SCN8A: variants seen among roughly 807,000 people sequenced by gnomAD.
The protein encoded by SCN8A is sodium channel protein type 8 subunit alpha.
A neutral mutation model predicts 184.1 loss-of-function variants in SCN8A; 30 were observed. That is an observed-to-expected ratio of 0.16 (90% CI 0.12 to 0.22). The LOEUF (loss-of-function observed/expected upper bound fraction) is 0.22, where lower values mean the gene tolerates loss of function less well. Ranked by LOEUF, SCN8A falls within the 10% of genes least tolerant of loss-of-function variation. The probability of loss-of-function intolerance (pLI) is 1.00; values close to 1 mark genes in which losing one functional copy is unlikely to be tolerated. For missense variants in SCN8A, 1,057 were observed against 2,498.9 expected (o/e 0.42, Z 12.30); for synonymous variants, 852 against 907.0 (o/e 0.94, Z 1.09).
At chr12:51,687,249 C>A (rs758547567) in intron 5 of SCN8A, 30 bp downstream of exon 5, 1 of 1,611,524 alleles carries the variant, frequency 6.2e-7, no homozygotes, top group South Asian at 1.1e-5. Flanking sequence ...TATTGGTGTT[C>A]TGGGTGTGAT....
chr12:51,621,499 A>T (rs1939961675), intron 1 of SCN8A, among the ~76,000 whole-genome samples: 1 of 152,242 alleles, frequency 6.6e-6, no homozygotes, highest in Non-Finnish European at 1.5e-5. Flanking sequence ...TGGGTATCAG[A>T]TGTTACCCAT....
At chr12:51,722,248 T>A in intron 12 of SCN8A, 1 of 410,882 alleles carries the variant, frequency 2.4e-6, no homozygotes, top group Non-Finnish European at 4.4e-6. Context: ...TCTCTCCATC[T>A]TTATCTTTGC....
chr12:51,697,425 T>G (rs1400880971), intron 6 of SCN8A, among the ~76,000 whole-genome samples: 2 of 152,246 alleles, frequency 1.3e-5, no homozygotes, highest in Non-Finnish European at 2.9e-5. Flanking sequence ...CCAGGTCTTG[T>G]GCTAGGCAGA....
chr12:51,607,538 C>T (rs1939622276), intron 1 of SCN8A, among the ~76,000 whole-genome samples: 1 of 152,064 alleles, frequency 6.6e-6, no homozygotes, highest in Admixed American at 6.5e-5. Context: ...TCAACTTTTC[C>T]CCATTCAGTA....
At chr12:51,637,277 G>A (rs1412053843) in intron 1 of SCN8A, among the ~76,000 whole-genome samples, 6 of 152,126 alleles carry the variant, frequency 3.9e-5, no homozygotes, top group Non-Finnish European at 7.3e-5. Flanking sequence ...CCAACTAATA[G>A]CCTTACATGG....
At position 51,721,811 on chromosome 12, in the gene SCN8A, G is replaced by T. The variant is rs780504431; in HGVS notation, c.1901G>T (p.Arg634Leu). The T allele has an allele frequency of 5.6e-6, 9 of 1,607,932 alleles. No individual in the cohort carries two copies. The highest frequency in any genetic ancestry group is 7.6e-6 in the Non-Finnish European group (9 of 1,179,496). Reference sequence around the variant, plus strand: ...TCCTCGCGCATCTTCCCCAGCCTGCGGCGCAGCGTGAAGCGCAACAGCACG... The same window carrying T: ...TCCTCGCGCATCTTCCCCAGCCTGCTGCGCAGCGTGAAGCGCAACAGCACG... ...SRSSRIFPSLRRSVKRNSTVD... is the reference protein window; with the variant it reads ...SRSSRIFPSLLRSVKRNSTVD... The change falls in exon 12 of 27, where the codon CGG (arginine) becomes CTG (leucine). Residue 634 changes from arginine to leucine, a missense_variant. By Grantham distance (102) the Arg-to-Leu change is moderately radical. Transcript: ENST00000627620.
intron 1 of SCN8A, among the ~76,000 whole-genome samples, chr12:51,629,877 C>G (rs1429804544): frequency 2.0e-5 from 3 of 152,078 alleles, no homozygotes; most frequent in African/African-American, 7.2e-5. Flanking sequence ...GTTGTGGCAG[C>G]CAGATCAGGT....
chr12:51,672,527 C>G (rs1592369878), intron 2 of SCN8A, among the ~76,000 whole-genome samples: 1 of 152,050 alleles, frequency 6.6e-6, no homozygotes, highest in African/African-American at 2.4e-5. Flanking sequence ...GTTCTTGGCC[C>G]ATGTTCCTCT....
intron 1 of SCN8A, among the ~76,000 whole-genome samples, chr12:51,659,986 G>A (rs559471949): frequency 3.3e-5 from 5 of 152,270 alleles, no homozygotes; most frequent in South Asian, 2.1e-4. Context: ...AACAATCAGG[G>A]CCAGTGAGAG....
Position 51,770,586 on chromosome 12 carries a change from C to T in SCN8A, c.3548C>T (p.Ser1183Phe). 1 of 1,613,996 alleles carries T rather than the reference C, an allele frequency of 6.2e-7. No individual in the cohort carries two copies. The highest frequency in any genetic ancestry group is 8.5e-7 in the Non-Finnish European group (1 of 1,179,904). ...AACATCGAGGAAGGGCTAGGCAAGT[C>T]TTGGTGGATCCTGCGGAAAACCTGC... ...QVNIEEGLGK[S>F]WWILRKTCFL... The change falls in exon 19 of 27, where the codon TCT becomes TTT. Residue 1183 changes from serine to phenylalanine, a missense_variant. Coordinates refer to ENST00000627620, the MANE Select transcript of SCN8A (RefSeq NM_001330260.2).
In SCN8A at chr12:51,699,775, G is replaced by A; in HGVS notation, c.912G>A (p.Glu304=). 3.1e-6 allele frequency: 5 copies of A among 1,613,106 alleles called. No individual in the cohort carries two copies. Among genetic ancestry groups the A allele is most frequent in the Non-Finnish European group, 4.2e-6 (5 of 1,179,466 alleles). The change falls in exon 7 of 27, where the codon GAG becomes GAA. Residue 304 remains glutamate (E), a synonymous_variant. Coordinates refer to ENST00000627620, the MANE Select transcript of SCN8A (RefSeq NM_001330260.2). ...ENGTKGFDWE[E]YINNKTNFYT... Reference sequence around the variant, plus strand: ...GCACCAAAGGCTTTGATTGGGAAGAGTATATCAACAATAAAAGTAGGTGGC... The same window carrying A: ...GCACCAAAGGCTTTGATTGGGAAGAATATATCAACAATAAAAGTAGGTGGC...
intron 1 of SCN8A, among the ~76,000 whole-genome samples, chr12:51,629,342 G>C (rs528437916): frequency 6.6e-6 from 1 of 152,162 alleles, no homozygotes; most frequent in South Asian, 2.1e-4. Flanking sequence ...TCTTCCTTGT[G>C]GGGCTGTTCT....
intron 12 of SCN8A, among the ~76,000 whole-genome samples, chr12:51,729,659 T>C (rs143040344): frequency 6.6e-6 from 1 of 152,322 alleles, no homozygotes; most frequent in African/African-American, 2.4e-5. Context: ...ACATAAACGT[T>C]TTCATTTATA....
At chr12:51,616,369 T>C (rs944646047) in intron 1 of SCN8A, among the ~76,000 whole-genome samples, 2 of 152,090 alleles carry the variant, frequency 1.3e-5, no homozygotes, top group Non-Finnish European at 2.9e-5. Flanking sequence ...GTGCAGTGGC[T>C]CACACCTGGC....
chr12:51,724,195 C>T (rs1029111054), intron 12 of SCN8A, among the ~76,000 whole-genome samples: 1 of 152,172 alleles, frequency 6.6e-6, no homozygotes, highest in Non-Finnish European at 1.5e-5. Flanking sequence ...CCTATAATCC[C>T]AGCACTTTAG....
Position 51,807,481 on chromosome 12 carries a change from T to C in SCN8A, c.*52T>C, listed in dbSNP as rs1205859567. ...AGATCTAAAACTCGCAAGTGAAAGA[T>C]TGTTTACAAACTTCCTGAATATTAT... On this transcript the variant is annotated 3_prime_UTR_variant, in exon 27 of 27. Coordinates refer to ENST00000627620, the MANE Select transcript of SCN8A (RefSeq NM_001330260.2). This position sits in a 1 kb window ranked among gnomAD's most constrained non-coding sequence, Gnocchi z 4.5. 1.3e-6 allele frequency: 2 copies of C among 1,532,848 alleles called. No individual in the cohort carries two copies. Among genetic ancestry groups the C allele is most frequent in the Non-Finnish European group, 1.8e-6 (2 of 1,127,770 alleles). 95.0% of individuals were successfully genotyped at this position (1,532,848 alleles called of 1,614,324 possible).
In SCN8A at chr12:51,765,654, G is replaced by GTTTTTTTTTT. The variant is rs56879517; in HGVS notation, c.2545-16_2545-7dup. 2.6e-6 allele frequency: 3 copies of GTTTTTTTTTT among 1,172,598 alleles called. No individual in the cohort carries two copies. Among genetic ancestry groups the GTTTTTTTTTT allele is most frequent in the Non-Finnish European group, 3.5e-6 (3 of 857,636 alleles). The allele number at this position is 1,172,598 out of a possible 1,614,324, so 72.6% of individuals were successfully genotyped here. A position where few individuals can be genotyped will look rare whatever the true frequency, so the allele number is the denominator to read the frequency against. On this transcript the variant is annotated splice_polypyrimidine_tract_variant and intron_variant, in intron 15 of 26. Transcript: ENST00000627620. ...GAGTATCATTTATTTTTTTGTTTGG[G>GTTTTTTTTTT]TTTTTTTTTTCCTTAGCTCCGAGTC...
chr12:51,769,737 C>A, intron 17 of SCN8A, 131 bp from the exon 18 acceptor site: 1 of 681,322 alleles, frequency 1.5e-6, no homozygotes, highest in Non-Finnish European at 2.6e-6. Flanking sequence ...GTTTGCTTAT[C>A]GCGAGTTGTA....
chr12:51,693,347 T>A (rs1363776177), intron 6 of SCN8A, among the ~76,000 whole-genome samples: 1 of 152,230 alleles, frequency 6.6e-6, no homozygotes, highest in Non-Finnish European at 1.5e-5. Flanking sequence ...GCTCACAGGA[T>A]CCCACTGACC....
Sources: allele counts gnomAD v4.1 joint callset (sites outside exome capture counted in the v4.1 genomes callset), GRCh38; gene constraint gnomAD v4.1.1; non-coding constraint Gnocchi (gnomAD v3.1); transcripts MANE v1.5; gene names NCBI Gene and HGNC (gene_info 2026-07-23, HGNC 2026-07-21).